Variants in MID1 observed in about 807,000 individuals in gnomAD.
MID1 encodes midline 1.
In MID1, 7 loss-of-function variants were observed where a neutral mutation model predicts 40.4. The ratio of observed to expected loss-of-function variants is 0.17; its 90% CI spans 0.10 to 0.33. The LOEUF (loss-of-function observed/expected upper bound fraction) is 0.33, where lower values mean the gene tolerates loss of function less well. Ranked by LOEUF, MID1 falls within the 10% of genes least tolerant of loss-of-function variation. MID1 has a pLI of 1.00. For synonymous variants in MID1, 229 were observed against 221.2 expected (o/e 1.04, Z -0.31); for missense variants, 367 against 558.5 (o/e 0.66, Z 3.46).
intron 1 of MID1, among the ~76,000 whole-genome samples, chrX:10,616,752 CTTATGA>C (rs1294811899): frequency 7.1e-5 from 8 of 112,692 alleles, no homozygotes; most frequent in Admixed American, 3.7e-4. Context: ...GACAGCAAGT[CTTATGA>C]TTATAACATT....
intron 9 of MID1, among the ~76,000 whole-genome samples, chrX:10,451,703 G>T (rs956598474): frequency 9.0e-6 from 1 of 111,412 alleles, no homozygotes; most frequent in African/African-American, 3.3e-5. Flanking sequence ...CATGAGATCT[G>T]ATGGTTTTAA....
chrX:10,785,373 T>C lies in MID1; in HGVS notation c.-187+48181A>G, dbSNP rs1234635436. On this transcript the variant is annotated intron_variant, in intron 1 of 10. Coordinates refer to the MID1 transcript ENST00000380785. ...TCATGGGTAGGAAGAATCAATATCA[T>C]GAAAATGGTCATACTGCCCAAGGTA... Among the ~76,000 whole-genome samples, 83 of 110,932 alleles carry C rather than the reference T, an allele frequency of 7.5e-4. 1 individual carries two copies. Among genetic ancestry groups the C allele is most frequent in the Non-Finnish European group, 1.3e-3 (70 of 53,047 alleles).
At chrX:10,745,818 T>C (rs778783492) in intron 1 of MID1, among the ~76,000 whole-genome samples, 16 of 112,350 alleles carry the variant, frequency 1.4e-4, no homozygotes, top group Non-Finnish European at 2.8e-4. Context: ...AGAGAAGAAT[T>C]GGTGTTGTGA....
At chrX:10,469,028 G>A (rs184790235) in intron 7 of MID1, among the ~76,000 whole-genome samples, 51 of 111,663 alleles carry the variant, frequency 4.6e-4, no homozygotes, top group African/African-American at 1.6e-3. Flanking sequence ...TCTTTCCAGT[G>A]GTGCCACTTG....
chrX:10,531,112 CA>C lies in MID1; in HGVS notation c.661-7926del, dbSNP rs200283698. Among the ~76,000 whole-genome samples, 369 of 111,487 alleles carry C rather than the reference CA, an allele frequency of 3.3e-3. 1 individual carries two copies. The highest frequency in any genetic ancestry group is 0.011 in the African/African-American group (345 of 30,687). On this transcript the variant is annotated intron_variant, in intron 2 of 9. Transcript: ENST00000317552. The stretch of plus-strand genomic sequence containing the variant: ...TCAGCAACTGTATTCGGAGCCCTGG[CA>C]CCCAACACCACCACTCCAGCGTGAT...
At chrX:10,783,791 C>G (rs2043862037) in intron 1 of MID1, among the ~76,000 whole-genome samples, 1 of 111,330 alleles carries the variant, frequency 9.0e-6, no homozygotes, top group Non-Finnish European at 1.9e-5. Flanking sequence ...ATTTCTTTAG[C>G]AGCAGGAAAG....
At chrX:10,634,444 G>T (rs1028795905) in intron 1 of MID1, among the ~76,000 whole-genome samples, 1 of 111,545 alleles carries the variant, frequency 9.0e-6, no homozygotes, top group Non-Finnish European at 1.9e-5. Context: ...ATATCATCCA[G>T]TTAACTAATA....
intron 1 of MID1, among the ~76,000 whole-genome samples, chrX:10,826,772 A>G (rs925831010): frequency 8.9e-6 from 1 of 112,400 alleles, no homozygotes; most frequent in African/African-American, 3.2e-5. Flanking sequence ...TATTTCATCA[A>G]TGTTTGTCTC....
At chrX:10,584,379 A>G (rs1935089594) in intron 1 of MID1, among the ~76,000 whole-genome samples, 1 of 112,195 alleles carries the variant, frequency 8.9e-6, no homozygotes, top group Non-Finnish European at 1.9e-5. Context: ...GAAAATAACC[A>G]TGGATGTACA....
chrX:10,512,790 A>T (rs1932224360), intron 3 of MID1, among the ~76,000 whole-genome samples: 1 of 112,044 alleles, frequency 8.9e-6, no homozygotes, highest in Admixed American at 9.5e-5. Context: ...ACGACTTTAC[A>T]TATATGAACT....
At chrX:10,719,165 C>G (rs1348883460) in intron 1 of MID1, among the ~76,000 whole-genome samples, 1 of 109,804 alleles carries the variant, frequency 9.1e-6, no homozygotes, top group Non-Finnish European at 1.9e-5. Flanking sequence ...CTCACCACTC[C>G]TATTCAACAT....
In MID1 at chrX:10,659,267, C is replaced by A. The variant is rs187448068; in HGVS notation, c.-186-38848G>T. Among the ~76,000 whole-genome samples the A allele has an allele frequency of 2.7e-5, 3 of 111,869 alleles. No homozygotes were observed. The East Asian group carries it at 8.5e-4, about 32-fold the overall frequency. On this transcript the variant is annotated intron_variant, in intron 1 of 10. Coordinates refer to the MID1 transcript ENST00000380785. ...CATTTAGGATTTTTTATTACCAGCTCATCAATAATTTATAGATTACTATGG... is the reference window on the plus strand; with the variant it reads ...CATTTAGGATTTTTTATTACCAGCTAATCAATAATTTATAGATTACTATGG...
chrX:10,787,401 A>G (rs1290643106), intron 1 of MID1, among the ~76,000 whole-genome samples: 1 of 108,373 alleles, frequency 9.2e-6, no homozygotes, highest in Non-Finnish European at 1.9e-5. Context: ...ATTGTATAAT[A>G]AGAATGTTTC....
At chrX:10,634,038 T>C (rs1423952197) in intron 1 of MID1, among the ~76,000 whole-genome samples, 1 of 111,348 alleles carries the variant, frequency 9.0e-6, no homozygotes, top group African/African-American at 3.3e-5. Flanking sequence ...GGAAACAGGA[T>C]GACTTAAGTC....
intron 1 of MID1, among the ~76,000 whole-genome samples, chrX:10,614,015 A>G (rs57503290): frequency 0.046 from 4,985 of 108,623 alleles, 203 homozygotes; most frequent in African/African-American, 0.12. Context: ...CCTGTAGAAC[A>G]CTTAATGATT....
intron 1 of MID1, among the ~76,000 whole-genome samples, chrX:10,685,578 C>T (rs1413819237): frequency 9.0e-6 from 1 of 111,533 alleles, no homozygotes; most frequent in Non-Finnish European, 1.9e-5. Flanking sequence ...GAACGCTGCT[C>T]AGAGAGGCCA....
chrX:10,487,511 ATACT>A (rs765325224), intron 4 of MID1, among the ~76,000 whole-genome samples: 40 of 111,842 alleles, frequency 3.6e-4, no homozygotes, highest in African/African-American at 7.2e-4. Context: ...TAAACAGTAC[ATACT>A]TAAAGTGCAA....
intron 1 of MID1, among the ~76,000 whole-genome samples, chrX:10,609,322 C>T (rs1316404344): frequency 9.0e-6 from 1 of 111,639 alleles, no homozygotes; most frequent in Non-Finnish European, 1.9e-5. Context: ...TCCATAAAAC[C>T]CAGCCTTCTC....
intron 5 of MID1, among the ~76,000 whole-genome samples, chrX:10,482,206 C>G (rs1023232208): frequency 3.6e-5 from 4 of 111,712 alleles, no homozygotes; most frequent in Non-Finnish European, 5.6e-5. Context: ...ATAAGCTCCC[C>G]CCTCGTCCAA....
Sources: gnomAD v4.1 joint callset for allele counts (sites outside exome capture counted in the v4.1 genomes callset) on GRCh38, gnomAD v4.1.1 for gene constraint, MANE v1.5 for transcripts, NCBI Gene and HGNC (gene_info 2026-07-23, HGNC 2026-07-21) for gene names.